Variants in NPAS3 observed in about 807,000 individuals in gnomAD.
The protein encoded by NPAS3 is neuronal PAS domain-containing protein 3.
In NPAS3, 14 loss-of-function variants were observed where a neutral mutation model predicts 73.1. The observed-to-expected ratio is 0.19, with a 90% CI of 0.13 to 0.30. The LOEUF (loss-of-function observed/expected upper bound fraction) is 0.30, where lower values mean the gene tolerates loss of function less well. Ranked by LOEUF, NPAS3 falls within the 10% of genes least tolerant of loss-of-function variation. NPAS3 has a pLI of 1.00. For synonymous variants in NPAS3, 620 were observed against 541.5 expected, an observed-to-expected ratio of 1.14 and a Z score of -2.01; for missense variants, 1,096 against 1,250.0, an observed-to-expected ratio of 0.88 and a Z score of 1.86.
At chr14:33,336,166 T>C (rs1180338406) in intron 3 of NPAS3, among the ~76,000 whole-genome samples, 1 of 152,242 alleles carries the variant, frequency 6.6e-6, no homozygotes, top group East Asian at 1.9e-4. Context: ...TATTAGTTTT[T>C]CTGTTGCTGT....
chr14:33,190,941 T>C (rs144762663), intron 2 of NPAS3, among the ~76,000 whole-genome samples: 1 of 152,228 alleles, frequency 6.6e-6, no homozygotes, highest in African/African-American at 2.4e-5. Context: ...ATTTTTGTTA[T>C]GAAGATAATA....
intron 4 of NPAS3, among the ~76,000 whole-genome samples, chr14:33,480,845 CTT>C (rs1357976643): frequency 6.6e-6 from 1 of 151,896 alleles, no homozygotes; most frequent in Admixed American, 6.6e-5. Flanking sequence ...GACAGTGATG[CTT>C]ATACTGAGTA....
chr14:33,177,171 G>A (rs996622112), intron 2 of NPAS3, among the ~76,000 whole-genome samples: 7 of 150,058 alleles, frequency 4.7e-5, no homozygotes, highest in African/African-American at 1.5e-4. Flanking sequence ...GTCTCGACTC[G>A]GTGCAACCTC....
chr14:33,231,518 T>C (rs1433110054), intron 3 of NPAS3, among the ~76,000 whole-genome samples: 2 of 152,196 alleles, frequency 1.3e-5, no homozygotes, highest in Non-Finnish European at 2.9e-5. Flanking sequence ...CTACACTTCT[T>C]TAATGTTCTA....
chr14:33,662,876 T>A (rs959647829), intron 5 of NPAS3, among the ~76,000 whole-genome samples: 5 of 143,346 alleles, frequency 3.5e-5, no homozygotes, highest in Non-Finnish European at 6.1e-5. Flanking sequence ...TTCCTTTTTT[T>A]TTTTTTTTTT....
chr14:33,539,275 G>A (rs538476965), intron 4 of NPAS3, among the ~76,000 whole-genome samples: 1 of 152,176 alleles, frequency 6.6e-6, no homozygotes, highest in South Asian at 2.1e-4. Flanking sequence ...TGGAGGGCAG[G>A]GGTTCAGGGC....
At chr14:33,734,792 C>G (rs942132197) in intron 6 of NPAS3, among the ~76,000 whole-genome samples, 6 of 152,120 alleles carry the variant, frequency 3.9e-5, no homozygotes, top group Non-Finnish European at 8.8e-5. Context: ...AATGGATTAT[C>G]GGGGAGAACA....
At chr14:33,791,563 C>T (rs866662706) in intron 9 of NPAS3, among the ~76,000 whole-genome samples, 37 of 152,162 alleles carry the variant, frequency 2.4e-4, no homozygotes, top group African/African-American at 8.2e-4. Flanking sequence ...GCTACACATA[C>T]GTGCAGACCA....
At chr14:33,484,253 A>T (rs1307922589) in intron 4 of NPAS3, among the ~76,000 whole-genome samples, 1 of 152,142 alleles carries the variant, frequency 6.6e-6, no homozygotes, top group Admixed American at 6.5e-5. Flanking sequence ...AAAGGTCTGG[A>T]GGAGGAGCTG....
intron 5 of NPAS3, among the ~76,000 whole-genome samples, chr14:33,566,762 A>T (rs1210133422): frequency 4.6e-5 from 7 of 152,170 alleles, no homozygotes; most frequent in African/African-American, 1.4e-4. Context: ...ATCTTTACAT[A>T]GAACCCTTCT....
chr14:33,756,392 C>G (rs1308153199), intron 7 of NPAS3, among the ~76,000 whole-genome samples: 1 of 152,108 alleles, frequency 6.6e-6, no homozygotes, highest in Non-Finnish European at 1.5e-5. Context: ...AATATGTTTT[C>G]TAAAGGGAAT....
intron 1 of NPAS3, among the ~76,000 whole-genome samples, chr14:33,043,614 T>C (rs1044035250): frequency 6.6e-6 from 1 of 152,164 alleles, no homozygotes; most frequent in African/African-American, 2.4e-5. Context: ...AGACTACTTG[T>C]GGTTCTACCT....
intron 3 of NPAS3, among the ~76,000 whole-genome samples, chr14:33,345,484 C>T (rs112713973): frequency 2.0e-3 from 297 of 152,228 alleles, no homozygotes; most frequent in African/African-American, 6.9e-3. Flanking sequence ...AAATTGTAGT[C>T]GACAGGAAAA....
chr14:33,667,714 A>G (rs532567838), intron 5 of NPAS3, among the ~76,000 whole-genome samples: 50 of 152,194 alleles, frequency 3.3e-4, no homozygotes, highest in Non-Finnish European at 5.9e-4. Flanking sequence ...GTAATTCACA[A>G]GAAATAAATT....
chr14:33,432,118 G>A (rs1157653830), intron 4 of NPAS3, among the ~76,000 whole-genome samples: 1 of 152,052 alleles, frequency 6.6e-6, no homozygotes, highest in Non-Finnish European at 1.5e-5. Context: ...ATTTATAAAG[G>A]AAAAAATTCC....
intron 1 of NPAS3, among the ~76,000 whole-genome samples, chr14:33,032,882 G>A (rs1355435071): frequency 6.6e-6 from 1 of 152,160 alleles, no homozygotes; most frequent in Non-Finnish European, 1.5e-5. Flanking sequence ...ATTTGATCTT[G>A]TGAGCTTGTA....
chr14:33,106,933 A>G (rs185294225), intron 2 of NPAS3, among the ~76,000 whole-genome samples: 2,324 of 152,102 alleles, frequency 0.015, 61 homozygotes, highest in African/African-American at 0.054. Flanking sequence ...GTGTGTGTGC[A>G]TGTGTTGGTT....
chr14:33,669,920 T>G (rs1293512636), intron 5 of NPAS3, among the ~76,000 whole-genome samples: 1 of 152,030 alleles, frequency 6.6e-6, no homozygotes, highest in Non-Finnish European at 1.5e-5. Flanking sequence ...TTTGTTTGCT[T>G]TTGTTTGTTT....
At chr14:33,257,005 T>C (rs1340312135) in intron 3 of NPAS3, among the ~76,000 whole-genome samples, 1 of 151,916 alleles carries the variant, frequency 6.6e-6, no homozygotes, top group Non-Finnish European at 1.5e-5. Flanking sequence ...TCAGACTGAG[T>C]TTCAAACATT....
Sources: allele counts gnomAD v4.1 joint callset (sites outside exome capture counted in the v4.1 genomes callset), GRCh38; gene constraint gnomAD v4.1.1; transcripts MANE v1.5; gene names NCBI Gene and HGNC (gene_info 2026-07-23, HGNC 2026-07-21).